GSTK1: variants seen among roughly 807,000 people sequenced by gnomAD.
The protein encoded by GSTK1 is glutathione S-transferase kappa 1.
Under a neutral mutation model 30.9 loss-of-function variants are expected in GSTK1, and 25 were observed. The ratio of observed to expected loss-of-function variants is 0.81; its 90% CI spans 0.59 to 1.13. The LOEUF (loss-of-function observed/expected upper bound fraction) is 1.13. Among genes scored for constraint, GSTK1 ranks in the 50% most tolerant of loss-of-function variants. GSTK1 has a pLI of 0.00. For missense variants in GSTK1, 292 were observed against 292.4 expected (o/e 1.00, Z 0.01); for synonymous variants, 108 against 112.5 (o/e 0.96, Z 0.25).
Position 143,268,150 on chromosome 7 carries a change from C to T in GSTK1, c.597C>T (p.Gly199=). 1 of 1,614,078 alleles carries T rather than the reference C, an allele frequency of 6.2e-7. No homozygotes were observed. The highest frequency in any genetic ancestry group is 8.5e-7 in the Non-Finnish European group (1 of 1,179,988). Residue 199 remains glycine, a synonymous_variant, in exon 7 of 8, where the codon GGC becomes GGT. Transcript: ENST00000358406. The surrounding 1 kb of genome is among the most constrained non-coding windows in gnomAD (Gnocchi z 4.1). ...ATGGCCAAACCCACATGTTATTTGG[C>T]TCTGACCGGATGGAGCTGCTGGCGC... ...HVDGQTHMLF[G]SDRMELLAHL... is the part of the protein sequence containing the mutation.
At chr7:143,264,322 A>G in intron 2 of GSTK1, 155 bp downstream of exon 2, 1 of 767,482 alleles carries the variant, frequency 1.3e-6, no homozygotes, top group South Asian at 1.7e-5. Context: ...GCATGCCTGT[A>G]TACCACAGCT....
chr7:143,268,173 C>T lies in GSTK1; in HGVS notation c.620C>T (p.Ala207Val), dbSNP rs140903213. 2.9e-5 allele frequency: 46 copies of T among 1,613,362 alleles called. No individual in the cohort carries two copies. Among genetic ancestry groups the T allele is most frequent in the Middle Eastern group, 1.6e-4 (1 of 6,078 alleles). Residue 207 changes from alanine to valine, a missense_variant, in exon 7 of 8, where the codon GCG (alanine) becomes GTG (valine). Coordinates refer to ENST00000358406, the MANE Select transcript of GSTK1 (RefSeq NM_015917.3). The surrounding 1 kb of genome is among the most constrained non-coding windows in gnomAD (Gnocchi z 4.1). ...GGCTCTGACCGGATGGAGCTGCTGGCGCACCTGCTGGGTAAGTAAGTTAAA... is the reference window on the plus strand; with the variant it reads ...GGCTCTGACCGGATGGAGCTGCTGGTGCACCTGCTGGGTAAGTAAGTTAAA... The part of the protein sequence containing the change: ...LFGSDRMELL[A>V]HLLGEKWMGP...
chr7:143,264,048 C>T (rs1199046113), intron 1 of GSTK1, 38 bp from the exon 2 acceptor site: 2 of 1,591,050 alleles, frequency 1.3e-6, no homozygotes, highest in Non-Finnish European at 1.7e-6. Flanking sequence ...ACTTTTCCAT[C>T]TTGCACACTG....
Position 143,269,038 on chromosome 7 carries a change from C to G in GSTK1, c.*201C>G. On this transcript the variant is annotated 3_prime_UTR_variant, in exon 8 of 8. Transcript: ENST00000358406. ...ATTAGCCATGTGGCAACCTTTACTT[C>G]TATGCCTCACAAGTGCCTTTCAGAG... 1 of 601,098 alleles carries G rather than the reference C, an allele frequency of 1.7e-6. No homozygotes were observed. The highest frequency in any genetic ancestry group is 1.9e-5 in the South Asian group (1 of 51,822). 37.2% of individuals were successfully genotyped at this position (601,098 alleles called of 1,614,324 possible).
chr7:143,264,444 G>GAA, intron 2 of GSTK1, 104 bp from the exon 3 acceptor site: 1 of 1,197,224 alleles, frequency 8.4e-7, no homozygotes, highest in Non-Finnish European at 1.2e-6. Context: ...AACAACAAGA[G>GAA]AAAAAAAAGG....
Position 143,263,580 on chromosome 7 carries a change from T to G in GSTK1, c.67T>G (p.Phe23Val). 6.2e-7 allele frequency: 1 copy of G among 1,609,132 alleles called. No homozygotes were observed. Among genetic ancestry groups the G allele is most frequent in the Non-Finnish European group, 8.5e-7 (1 of 1,179,942 alleles). ...DVLSPYSWLGFEILCRYQNIW... is the reference protein window; with the variant it reads ...DVLSPYSWLGVEILCRYQNIW... The stretch of plus-strand genomic sequence containing the variant: ...GCTGTCCCCCTACTCCTGGCTGGGC[T>G]TCGAGGTGACGCTGGGAGGGGTCGC... Residue 23 changes from phenylalanine (F) to valine (V), a missense_variant, in exon 1 of 8, where the codon TTC (phenylalanine) becomes GTC (valine). By Grantham distance (50) the Phe-to-Val change is conservative. Transcript: ENST00000358406.
chr7:143,268,887 C>CTTT lies in GSTK1; in HGVS notation c.*52_*53insTTT. 1 of 1,514,294 alleles carries CTTT rather than the reference C, an allele frequency of 6.6e-7. No individual in the cohort carries two copies. The highest frequency in any genetic ancestry group is 9.2e-7 in the Non-Finnish European group (1 of 1,089,214). 93.8% of individuals were successfully genotyped at this position (1,514,294 alleles called of 1,614,324 possible). A position where few individuals can be genotyped will look rare whatever the true frequency, so the allele number is the denominator to read the frequency against. ...TCGTATAAAAAAAGCAGGCCATCTG[C>CTTT]TTAACCCTTGGCTCCACCATAAGGC... On this transcript the variant is annotated 3_prime_UTR_variant, in exon 8 of 8. Coordinates refer to ENST00000358406, the MANE Select transcript of GSTK1 (RefSeq NM_015917.3). The surrounding 1 kb of genome is among the most constrained non-coding windows in gnomAD (Gnocchi z 4.1).
intron 3 of GSTK1, 64 bp downstream of exon 3, chr7:143,264,740 T>C: frequency 1.3e-6 from 2 of 1,595,658 alleles, no homozygotes; most frequent in Non-Finnish European, 8.6e-7. Flanking sequence ...GATTGAGGGA[T>C]TGATAGGATG....
At position 143,265,029 on chromosome 7, in the gene GSTK1, C is replaced by A; in HGVS notation, c.321C>A (p.Asn107Lys). 6.2e-7 allele frequency: 1 copy of A among 1,614,176 alleles called. No individual in the cohort carries two copies. The highest frequency in any genetic ancestry group is 1.3e-5 in the African/African-American group (1 of 75,032). Reference sequence around the variant, plus strand: ...CCATGCGTTTCCTCACCGCCGTGAACTTGGAGCATCCAGAGATGCTGGAGA... The same window carrying A: ...CCATGCGTTTCCTCACCGCCGTGAAATTGGAGCATCCAGAGATGCTGGAGA... ...LSAMRFLTAV[N>K]LEHPEMLEKA... The change falls in exon 4 of 8, where the codon AAC (asparagine) becomes AAA (lysine). Residue 107 changes from asparagine (N) to lysine (K), a missense_variant. Asn to Lys is a moderately conservative substitution (Grantham distance 94, BLOSUM62 0). Transcript: ENST00000358406.
At position 143,267,605 on chromosome 7, in the gene GSTK1, A is replaced by C. The variant is rs934760762; in HGVS notation, c.421-12A>C. 1 of 1,588,098 alleles carries C rather than the reference A, an allele frequency of 6.3e-7. No homozygotes were observed. Among genetic ancestry groups the C allele is most frequent in the East Asian group, 2.2e-5 (1 of 44,738 alleles). On this transcript the variant is annotated splice_polypyrimidine_tract_variant and intron_variant, in intron 5 of 7. Coordinates refer to ENST00000358406, the MANE Select transcript of GSTK1 (RefSeq NM_015917.3). ...TGCAGACACAGTTGTATTCCCTACT[A>C]TATTCCCTTAGGCTGCAGAGAAGGC...
intron 4 of GSTK1, 37 bp downstream of exon 4, chr7:143,265,129 T>G: frequency 6.2e-7 from 1 of 1,613,812 alleles, no homozygotes; most frequent in Admixed American, 1.7e-5. Flanking sequence ...TGGGAGGACC[T>G]TGGATGACTT....
intron 5 of GSTK1, among the ~76,000 whole-genome samples, chr7:143,266,237 C>T (rs1800876061): frequency 6.6e-6 from 1 of 151,714 alleles, no homozygotes; most frequent in Admixed American, 6.6e-5. Flanking sequence ...CACTGTGTTG[C>T]CCAGGCTGGT....
intron 5 of GSTK1, among the ~76,000 whole-genome samples, chr7:143,266,764 T>A (rs114538041): frequency 0.013 from 1,968 of 148,250 alleles, 42 homozygotes; most frequent in African/African-American, 0.045. Flanking sequence ...TGGGCTCAAG[T>A]GATCTCGCAT....
At position 143,264,617 on chromosome 7, in the gene GSTK1, A is replaced by T. The variant is rs1312387347; in HGVS notation, c.224A>T (p.His75Leu). Residue 75 changes from histidine (H) to leucine (L), a missense_variant, in exon 3 of 8, where the codon CAC becomes CTC. By Grantham distance (99) the His-to-Leu change is moderately conservative. Transcript: ENST00000358406. ...YMANDLKLLR[H>L]HLQIPIHFPK... ...GCAAATGACTTAAAGCTCCTGAGAC[A>T]CCATCTCCAGATTCCCATCCACTTC... is the stretch of plus-strand genomic sequence containing the variant. The T allele has an allele frequency of 6.2e-7, 1 of 1,613,960 alleles. No individual in the cohort carries two copies. Among genetic ancestry groups the T allele is most frequent in the African/African-American group, 1.3e-5 (1 of 74,922 alleles).
intron 5 of GSTK1, among the ~76,000 whole-genome samples, chr7:143,266,261 GCT>G (rs1012331004): frequency 1.3e-5 from 2 of 151,784 alleles, no homozygotes; most frequent in Admixed American, 6.6e-5. Context: ...AAACTCCTGT[GCT>G]CAAGAGATCT....
chr7:143,266,653 C>CTTTTTTTTTTTTTTT (rs35527374), intron 5 of GSTK1, among the ~76,000 whole-genome samples: 1 of 63,332 alleles, frequency 1.6e-5, no homozygotes, highest in Non-Finnish European at 2.9e-5. Context: ...TTCTTTCTTT[C>CTTTTTTTTTTTTTTT]TTTTTTTTTT....
rs188265250 is a variant in GSTK1 at position 143,265,723 on chromosome 7, T to C, written c.420+427T>C. Among the ~76,000 whole-genome samples the C allele has an allele frequency of 2.6e-4, 38 of 148,530 alleles. No individual in the cohort carries two copies. In the East Asian group the frequency reaches 6.8e-3, roughly 26 times the overall value. The stretch of plus-strand genomic sequence containing the variant: ...AGAGATAACTAATGCCAGGGTTATA[T>C]AGGAGCCTGAGTGAGAACAAATGGA... On this transcript the variant is annotated intron_variant, in intron 5 of 7. Transcript: ENST00000358406.
At chr7:143,267,943 C>G in intron 6 of GSTK1, 148 bp from the exon 7 acceptor site, 1 of 713,852 alleles carries the variant, frequency 1.4e-6, no homozygotes, top group Non-Finnish European at 2.4e-6. Context: ...AAGAGAGCAT[C>G]TTAGAAACAG....
intron 3 of GSTK1, 23 bp from the exon 4 acceptor site, chr7:143,264,969 C>A: frequency 6.2e-7 from 1 of 1,611,116 alleles, no homozygotes; most frequent in African/African-American, 1.3e-5. Flanking sequence ...GGAGCCCTGC[C>A]TCTGGGTGCC....
Sources: allele counts gnomAD v4.1 joint callset (sites outside exome capture counted in the v4.1 genomes callset), GRCh38; gene constraint gnomAD v4.1.1; non-coding constraint Gnocchi (gnomAD v3.1); transcripts MANE v1.5; gene names NCBI Gene and HGNC (gene_info 2026-07-23, HGNC 2026-07-21).